RHOBTB2: variants seen among roughly 807,000 people sequenced by gnomAD.
The protein encoded by RHOBTB2 is rho-related BTB domain-containing protein 2.
A neutral mutation model predicts 66.5 loss-of-function variants in RHOBTB2; 39 were observed. That is an observed-to-expected ratio of 0.59 (90% CI 0.45 to 0.77). RHOBTB2 has a LOEUF of 0.77. RHOBTB2 is among the 30% of genes least tolerant of loss of function. The pLI is 0.00. For synonymous variants in RHOBTB2, 390 were observed against 395.0 expected (o/e 0.99, Z 0.15); for missense variants, 755 against 999.1 (o/e 0.76, Z 3.29).
Position 23,017,385 on chromosome 8 carries a change from T to C in RHOBTB2, c.2100T>C (p.Arg700=), listed in dbSNP as rs192151421. The C allele has an allele frequency of 1.2e-4, 198 of 1,614,088 alleles. 4 individuals are homozygous for C. In the Admixed American group the frequency reaches 3.3e-3, roughly 27 times the overall value. Residue 700 remains arginine, a synonymous_variant, in exon 10 of 10, where the codon CGT becomes CGC. Transcript: ENST00000251822. This position sits in a 1 kb window ranked among gnomAD's most constrained non-coding sequence, Gnocchi z 5.3. ...ACCTCAAGCGGCAGCCCAAACGGCG[T>C]TGGCTCTTCTGGAACAGTCCATCCT... The part of the protein sequence containing the change: ...YLHLKRQPKR[R]WLFWNSPSSP...
chr8:23,000,158 ACGCGCCGCTCCGCCCTCCCTGCCCTGC>A (rs1563288250), intron 1 of RHOBTB2, 53 bp downstream of exon 1: 6 of 980,700 alleles, frequency 6.1e-6, no homozygotes, highest in Admixed American at 6.2e-5. Flanking sequence ...GCCCTTGCAG[ACGCGCCGCTCCGCCCTCCCTGCCCTGC>A]CGCGCCCCTC....
At chr8:23,014,836 T>C (rs1811245679) in intron 8 of RHOBTB2, 58 bp downstream of exon 8, 9 of 1,415,866 alleles carry the variant, frequency 6.4e-6, no homozygotes, top group African/African-American at 2.8e-5. Context: ...TGCCTGCCCA[T>C]TGGCTGCGAA....
intron 7 of RHOBTB2, among the ~76,000 whole-genome samples, chr8:23,013,363 G>C (rs1811201531): frequency 6.6e-6 from 1 of 152,070 alleles, no homozygotes; most frequent in South Asian, 2.1e-4. Flanking sequence ...TCCTCCCTAA[G>C]AGGAAGCCCT....
the RHOBTB2 span, among the ~76,000 whole-genome samples, chr8:22,957,770 A>G: frequency 3.9e-5 from 6 of 152,228 alleles, no homozygotes; most frequent in Non-Finnish European, 2.9e-5. Flanking sequence ...ACGTTCATTT[A>G]CAGACATAAG....
At chr8:22,973,923 G>A in the RHOBTB2 span, among the ~76,000 whole-genome samples, 1 of 151,790 alleles carries the variant, frequency 6.6e-6, no homozygotes, top group Non-Finnish European at 1.5e-5. Context: ...CCCCTCCCAC[G>A]CCCCACCATT....
At chr8:22,974,306 A>T in the RHOBTB2 span, among the ~76,000 whole-genome samples, 1 of 152,150 alleles carries the variant, frequency 6.6e-6, no homozygotes, top group Non-Finnish European at 1.5e-5. Context: ...CTTTCTGTGG[A>T]GCATTTCACA....
the RHOBTB2 span, among the ~76,000 whole-genome samples, chr8:22,965,214 C>G: frequency 1.3e-5 from 2 of 152,018 alleles, no homozygotes; most frequent in East Asian, 1.9e-4. Context: ...TAGACTAACC[C>G]AAATATTTGT....
chr8:22,987,373 G>A (rs1350833488), upstream of RHOBTB2: 4 of 152,500 alleles, frequency 2.6e-5, no homozygotes, highest in Non-Finnish European at 4.4e-5. Flanking sequence ...CCTGGAGGAG[G>A]AGGGAACTGA....
chr8:23,016,182 T>A (rs1047991398), intron 9 of RHOBTB2, among the ~76,000 whole-genome samples: 8 of 152,122 alleles, frequency 5.3e-5, no homozygotes, highest in Admixed American at 2.0e-4. Context: ...GCCTCCTGTC[T>A]CTTCTTGATT....
At chr8:22,991,349 T>C (rs1036485742) in intron 1 of RHOBTB2, among the ~76,000 whole-genome samples, 12 of 152,202 alleles carry the variant, frequency 7.9e-5, no homozygotes, top group African/African-American at 2.9e-4. Context: ...GCCAGGGCCA[T>C]GTGCATTTAT....
At chr8:22,970,600 C>T in the RHOBTB2 span, among the ~76,000 whole-genome samples, 1 of 114,450 alleles carries the variant, frequency 8.7e-6, no homozygotes, top group Non-Finnish European at 1.7e-5. Context: ...AAGACTCTGT[C>T]CCTAAAAAAA....
chr8:22,970,432 A>T, the RHOBTB2 span, among the ~76,000 whole-genome samples: 1 of 152,072 alleles, frequency 6.6e-6, no homozygotes, highest in Non-Finnish European at 1.5e-5. Flanking sequence ...TTCAGACCAT[A>T]GCATACACCA....
the RHOBTB2 span, among the ~76,000 whole-genome samples, chr8:22,962,845 A>T: frequency 6.6e-6 from 1 of 152,242 alleles, no homozygotes; most frequent in Non-Finnish European, 1.5e-5. Flanking sequence ...GTAGCCCAGC[A>T]AGCCTCGGAG....
rs186196158 is a variant in RHOBTB2, at chr8:23,013,544, G to A, written c.1772-1146G>A. Among the ~76,000 whole-genome samples, 75 of 152,068 alleles carry A rather than the reference G, an allele frequency of 4.9e-4. 2 individuals are homozygous for A. The highest frequency in any genetic ancestry group is 1.8e-3 in the African/African-American group (73 of 41,342). The stretch of plus-strand genomic sequence containing the variant: ...ATGGAGTCTTACTGTCACCTGGGCT[G>A]GAGTATAGTGATGTGATCTCGGCTC... On this transcript the variant is annotated intron_variant, in intron 7 of 9. Transcript: ENST00000251822.
rs1811320137 is a variant in RHOBTB2, at chr8:23,017,337, G to A, written c.2052G>A (p.Glu684=). The A allele has an allele frequency of 6.2e-7, 1 of 1,614,244 alleles. No individual in the cohort carries two copies. Among genetic ancestry groups the A allele is most frequent in the Non-Finnish European group, 8.5e-7 (1 of 1,180,054 alleles). ...EEDHYQRARK[E]REKEDYLHLK... is the part of the protein sequence containing the mutation. ...ATCATTACCAGCGGGCACGGAAGGAGCGTGAGAAGGAGGACTACCTCCACC... is the reference window on the plus strand; with the variant it reads ...ATCATTACCAGCGGGCACGGAAGGAACGTGAGAAGGAGGACTACCTCCACC... Residue 684 remains glutamate (E), a synonymous_variant, in exon 10 of 10, where the codon GAG becomes GAA. Coordinates refer to ENST00000251822, the MANE Select transcript of RHOBTB2 (RefSeq NM_015178.3). This position sits in a 1 kb window ranked among gnomAD's most constrained non-coding sequence, Gnocchi z 5.3.
Position 23,004,748 on chromosome 8 carries a change from G to A in RHOBTB2, c.192+122G>A. 1 of 926,132 alleles carries A rather than the reference G, an allele frequency of 1.1e-6. No homozygotes were observed. Among genetic ancestry groups the A allele is most frequent in the Non-Finnish European group, 1.6e-6 (1 of 609,810 alleles). The allele number at this position is 926,132 out of a possible 1,614,324, so 57.4% of individuals were successfully genotyped here. On this transcript the variant is annotated intron_variant, in intron 2 of 9. Transcript: ENST00000251822. The surrounding 1 kb of genome is among the most constrained non-coding windows in gnomAD (Gnocchi z 6.4). Reference sequence around the variant, plus strand: ...GCCCTCTAGGGGTGGGACAGGATGGGTTGGGGGCAGCTGAAGAGGAAGGAG... The same window carrying A: ...GCCCTCTAGGGGTGGGACAGGATGGATTGGGGGCAGCTGAAGAGGAAGGAG...
Position 23,019,991 on chromosome 8 carries a change from C to A in RHOBTB2, c.*2522C>A. On this transcript the variant is annotated 3_prime_UTR_variant, in exon 10 of 10. Coordinates refer to ENST00000251822, the MANE Select transcript of RHOBTB2 (RefSeq NM_015178.3). ...TCTGGGGAGTCGGATTCAGGAAACA[C>A]CCCCAGGAGGCCAAGCCTGAAAACA... 1 of 316,084 alleles carries A rather than the reference C, an allele frequency of 3.2e-6. No individual in the cohort carries two copies. The highest frequency in any genetic ancestry group is 6.2e-6 in the Non-Finnish European group (1 of 162,136). 19.6% of individuals were successfully genotyped at this position (316,084 alleles called of 1,614,324 possible). A position where few individuals can be genotyped will look rare whatever the true frequency, so the allele number is the denominator to read the frequency against.
chr8:22,986,862 G>A (rs1001082407), upstream of RHOBTB2, among the ~76,000 whole-genome samples: 11 of 152,128 alleles, frequency 7.2e-5, no homozygotes, highest in African/African-American at 2.2e-4. Flanking sequence ...GGCCAGCCCC[G>A]GATGTCCGGC....
In RHOBTB2 at chr8:23,004,708, C is replaced by T; in HGVS notation, c.192+82C>T. 1 of 1,356,860 alleles carries T rather than the reference C, an allele frequency of 7.4e-7. No homozygotes were observed. Among genetic ancestry groups the T allele is most frequent in the Non-Finnish European group, 1.0e-6 (1 of 984,120 alleles). The allele number at this position is 1,356,860 out of a possible 1,614,324, so 84.1% of individuals were successfully genotyped here. A position where few individuals can be genotyped will look rare whatever the true frequency, so the allele number is the denominator to read the frequency against. On this transcript the variant is annotated intron_variant, in intron 2 of 9. Transcript: ENST00000251822. This position sits in a 1 kb window ranked among gnomAD's most constrained non-coding sequence, Gnocchi z 6.4. ...CTTCCTGAGGCATAGCTTGGTGTCT[C>T]CAGAGCTCACGGGAGCCCTCTAGGG...
Sources: allele counts gnomAD v4.1 joint callset (sites outside exome capture counted in the v4.1 genomes callset), GRCh38; gene constraint gnomAD v4.1.1; non-coding constraint Gnocchi (gnomAD v3.1); transcripts MANE v1.5; gene names NCBI Gene and HGNC (gene_info 2026-07-23, HGNC 2026-07-21).